ME3: variants seen among roughly 807,000 people sequenced by gnomAD.
ME3 encodes the protein NADP-dependent malic enzyme, mitochondrial.
ME3 carries 48 observed loss-of-function variants against 68.9 expected under a neutral mutation model. The ratio of observed to expected loss-of-function variants is 0.70; its 90% CI spans 0.55 to 0.89. ME3 has a LOEUF of 0.89. Among genes scored for constraint, ME3 ranks in the 40% least tolerant of loss-of-function variants. ME3 has a pLI of 0.00. For missense variants in ME3, 675 were observed against 797.4 expected (o/e 0.85, Z 1.85); for synonymous variants, 320 against 318.8 (o/e 1.00, Z -0.04).
intron 8 of ME3, among the ~76,000 whole-genome samples, chr11:86,455,014 C>T (rs1007827939): frequency 2.6e-5 from 4 of 152,246 alleles, no homozygotes; most frequent in African/African-American, 7.2e-5. Flanking sequence ...GAAGGCGGGA[C>T]TCTATGCAGG....
At chr11:86,506,973 T>TAAGCAGGAG (rs1481645496) in intron 5 of ME3, among the ~76,000 whole-genome samples, 1 of 152,154 alleles carries the variant, frequency 6.6e-6, no homozygotes, top group African/African-American at 2.4e-5. Flanking sequence ...TCTAAGCAGA[T>TAAGCAGGAG]AAGCAGGAGG....
At chr11:86,516,531 G>C (rs915111195) in intron 4 of ME3, among the ~76,000 whole-genome samples, 2 of 152,124 alleles carry the variant, frequency 1.3e-5, no homozygotes, top group Non-Finnish European at 2.9e-5. Flanking sequence ...GGGACTACAG[G>C]CATGTGCCAC....
chr11:86,589,382 T>TATGA (rs201542002), intron 2 of ME3, among the ~76,000 whole-genome samples: 3,032 of 147,696 alleles, frequency 0.021, 73 homozygotes, highest in African/African-American at 0.064. Context: ...AGAGAGAATA[T>TATGA]ATGAATGAAT....
intron 2 of ME3, among the ~76,000 whole-genome samples, chr11:86,621,488 A>T (rs1427438266): frequency 6.6e-6 from 1 of 152,120 alleles, no homozygotes; most frequent in Non-Finnish European, 1.5e-5. Flanking sequence ...AGTAATCATC[A>T]GGCCAGGACT....
intron 4 of ME3, among the ~76,000 whole-genome samples, chr11:86,555,964 T>C (rs1381760098): frequency 1.3e-5 from 2 of 152,216 alleles, no homozygotes; most frequent in Non-Finnish European, 2.9e-5. Flanking sequence ...TACCATTTTT[T>C]CTTTTTTTTA....
intron 8 of ME3, among the ~76,000 whole-genome samples, chr11:86,462,231 G>T (rs1454202862): frequency 1.3e-5 from 2 of 152,108 alleles, no homozygotes; most frequent in African/African-American, 2.4e-5. Flanking sequence ...AATTTTGGAG[G>T]TTTGTAACAA....
intron 2 of ME3, among the ~76,000 whole-genome samples, chr11:86,598,732 A>G (rs565152648): frequency 6.6e-6 from 1 of 152,312 alleles, no homozygotes; most frequent in Admixed American, 6.5e-5. Flanking sequence ...TCACGCGGCC[A>G]GGTACTCCTC....
intron 4 of ME3, among the ~76,000 whole-genome samples, chr11:86,524,003 T>G: frequency 6.6e-6 from 1 of 152,232 alleles, no homozygotes; most frequent in East Asian, 1.9e-4. Flanking sequence ...CAAAGAAGTT[T>G]CTTTTTCTAC....
At chr11:86,487,469 C>A (rs1305905150) in intron 6 of ME3, 29 bp from the exon 7 acceptor site, 1 of 1,571,750 alleles carries the variant, frequency 6.4e-7, no homozygotes, top group South Asian at 1.2e-5. Flanking sequence ...ATTGACTGAG[C>A]CTACTCCCGG....
intron 4 of ME3, among the ~76,000 whole-genome samples, chr11:86,545,195 A>C (rs565377731): frequency 6.6e-6 from 1 of 152,204 alleles, no homozygotes; most frequent in Non-Finnish European, 1.5e-5. Context: ...ATTTATGACA[A>C]ACCCACAGCC....
At chr11:86,605,218 A>G (rs928340244) in intron 2 of ME3, among the ~76,000 whole-genome samples, 1 of 152,204 alleles carries the variant, frequency 6.6e-6, no homozygotes, top group Non-Finnish European at 1.5e-5. Flanking sequence ...TCTATTGTAT[A>G]TACATACTGC....
At chr11:86,619,885 G>A (rs1447175834) in intron 2 of ME3, among the ~76,000 whole-genome samples, 1 of 152,146 alleles carries the variant, frequency 6.6e-6, no homozygotes, top group Non-Finnish European at 1.5e-5. Flanking sequence ...TTAAGTGTGA[G>A]CCTGATCAGC....
chr11:86,589,546 T>A (rs896653744), intron 2 of ME3, among the ~76,000 whole-genome samples: 1 of 152,214 alleles, frequency 6.6e-6, no homozygotes, highest in Non-Finnish European at 1.5e-5. Context: ...AGGCCTGTCT[T>A]ACTTCCCCAA....
At chr11:86,478,052 T>C (rs932725108) in intron 7 of ME3, among the ~76,000 whole-genome samples, 1 of 151,996 alleles carries the variant, frequency 6.6e-6, no homozygotes, top group Non-Finnish European at 1.5e-5. Context: ...TCAGATGTGG[T>C]CAGATTCATA....
exon 8 of ME3, chr11:86,465,114 C>T: frequency 1.2e-6 from 2 of 1,613,270 alleles, no homozygotes; most frequent in South Asian, 1.1e-5. Flanking sequence ...ATTGAACATG[C>T]AGTACTTGTT....
intron 4 of ME3, among the ~76,000 whole-genome samples, chr11:86,521,528 AAGTC>A (rs1026058120): frequency 1.3e-4 from 20 of 152,204 alleles, no homozygotes; most frequent in South Asian, 8.3e-4. Context: ...TACATGTACA[AAGTC>A]AGTCGTAAAG....
intron 6 of ME3, among the ~76,000 whole-genome samples, chr11:86,492,948 G>T (rs749944958): frequency 9.2e-5 from 14 of 152,182 alleles, no homozygotes; most frequent in Non-Finnish European, 2.1e-4. Context: ...GGTTCACGCT[G>T]TGGGCACAGC....
chr11:86,534,081 G>GTGTGTGTATATATATATA (rs1361825219), intron 4 of ME3, among the ~76,000 whole-genome samples: 2 of 127,508 alleles, frequency 1.6e-5, no homozygotes, highest in African/African-American at 6.4e-5. Flanking sequence ...GTGTGTGTGT[G>GTGTGTGTATATATATATA]TATATATATA....
At chr11:86,463,139 G>T (rs1366383669) in intron 8 of ME3, among the ~76,000 whole-genome samples, 1 of 152,180 alleles carries the variant, frequency 6.6e-6, no homozygotes, top group Non-Finnish European at 1.5e-5. Context: ...ATGGGCCTGG[G>T]GGGCTGCAGG....
Sources: gnomAD v4.1 joint callset for allele counts (sites outside exome capture counted in the v4.1 genomes callset) on GRCh38, gnomAD v4.1.1 for gene constraint, MANE v1.5 for transcripts, NCBI Gene and HGNC (gene_info 2026-07-23, HGNC 2026-07-21) for gene names.